The following TCF25 variants were observed in gnomAD, a reference collection of about 807,000 sequenced individuals.
TCF25 encodes the protein TCF25 ribosome quality control complex subunit.
TCF25 carries 41 observed loss-of-function variants against 83.1 expected under a neutral mutation model. The observed-to-expected ratio is 0.49, with a 90% CI of 0.38 to 0.64. TCF25 has a LOEUF of 0.64. Among genes scored for constraint, TCF25 ranks in the 30% least tolerant of loss-of-function variants. The probability of loss-of-function intolerance (pLI) is 0.00; values close to 1 mark genes in which losing one functional copy is unlikely to be tolerated. For synonymous variants in TCF25, 458 were observed against 365.0 expected (o/e 1.25, Z -2.90); for missense variants, 979 against 914.5 (o/e 1.07, Z -0.91).
rs1288908016 is a variant in TCF25 at position 89,904,122 on chromosome 16, C to G, written c.1386C>G (p.Leu462=). Residue 462 remains leucine, a synonymous_variant, in exon 13 of 18, where the codon CTC becomes CTG. Coordinates refer to ENST00000263346, the MANE Select transcript of TCF25 (RefSeq NM_014972.3). ...GAGCCTCCGCTTCCCCTGCAGTCCT[C>G]CTGCCCCTGCTCGAGTCTTGCAGTG... The part of the protein sequence containing the change: ...QQALTMFPGV[L]LPLLESCSVR... The G allele has an allele frequency of 6.2e-7, 1 of 1,605,998 alleles. No homozygotes were observed. The highest frequency in any genetic ancestry group is 1.1e-5 in the South Asian group (1 of 89,374).
At chr16:89,906,503 G>T (rs140208748) in intron 15 of TCF25, among the ~76,000 whole-genome samples, 128 of 152,250 alleles carry the variant, frequency 8.4e-4, no homozygotes, top group Middle Eastern at 3.4e-3. Context: ...TTGGGGCTCA[G>T]AGCACAAGCT....
intron 16 of TCF25, chr16:89,909,175 A>G (rs1313709713): frequency 7.9e-7 from 1 of 1,268,954 alleles, no homozygotes; most frequent in Non-Finnish European, 1.0e-6. Context: ...TCAAAACTGC[A>G]CCAGCCTGGC....
At chr16:89,874,434 G>C (rs2042011264) in intron 1 of TCF25, 1 of 153,678 alleles carries the variant, frequency 6.5e-6, no homozygotes, top group African/African-American at 2.4e-5. Flanking sequence ...GAGTCTAGAG[G>C]GGCCTTCTCT....
chr16:89,892,392 G>A (rs941153967), intron 6 of TCF25, 117 bp downstream of exon 6: 24 of 1,094,170 alleles, frequency 2.2e-5, no homozygotes, highest in African/African-American at 3.2e-5. Context: ...GGAGGGCGGC[G>A]GGGGGGTGTG....
chr16:89,900,053 C>T (rs994069897), intron 11 of TCF25, among the ~76,000 whole-genome samples: 5 of 152,150 alleles, frequency 3.3e-5, no homozygotes, highest in African/African-American at 1.2e-4. Flanking sequence ...CTCAGGGAGT[C>T]CCCCAAAATG....
intron 12 of TCF25, among the ~76,000 whole-genome samples, chr16:89,902,936 G>C (rs141848170): frequency 8.3e-4 from 127 of 152,364 alleles, no homozygotes; most frequent in Middle Eastern, 3.4e-3. Context: ...CACGGCGTGG[G>C]GTTGGGCAGC....
rs868721557 is a variant in TCF25 at position 89,884,661 on chromosome 16, G to A, written c.429+5G>A. The A allele has an allele frequency of 1.8e-5, 29 of 1,610,918 alleles. No individual in the cohort carries two copies. The highest frequency in any genetic ancestry group is 2.3e-5 in the Non-Finnish European group (27 of 1,178,298). Reference sequence around the variant, plus strand: ...AGCAGCACGGGAGAAGCATCGGTACGTGAGTTGGGCCTGGCTGTGCTCTGT... The same window carrying A: ...AGCAGCACGGGAGAAGCATCGGTACATGAGTTGGGCCTGGCTGTGCTCTGT... On this transcript the variant is annotated splice_donor_5th_base_variant and intron_variant, in intron 3 of 17. Transcript: ENST00000263346.
intron 6 of TCF25, among the ~76,000 whole-genome samples, chr16:89,893,246 C>T (rs1371109949): frequency 6.6e-6 from 1 of 152,198 alleles, no homozygotes; most frequent in African/African-American, 2.4e-5. Flanking sequence ...ACAAGAGGAG[C>T]CAAGTGAGAG....
At chr16:89,875,807 C>G (rs1239218622) in intron 1 of TCF25, among the ~76,000 whole-genome samples, 1 of 147,078 alleles carries the variant, frequency 6.8e-6, no homozygotes, top group South Asian at 2.1e-4. Flanking sequence ...CAGGCGTGAG[C>G]CACTGCGCCT....
At chr16:89,898,939 T>A in intron 11 of TCF25, 67 bp downstream of exon 11, 3 of 1,491,918 alleles carry the variant, frequency 2.0e-6, no homozygotes, top group Non-Finnish European at 2.8e-6. Flanking sequence ...TTTTCTTGGT[T>A]CAGTATCTGT....
chr16:89,903,392 C>T lies in TCF25; in HGVS notation c.1382-726C>T, dbSNP rs139307424. ...TTTGTGATTAAAACATCCAACCGGC[C>T]GGGCACGGTGGCTCACGCCTGTAAT... On this transcript the variant is annotated intron_variant, in intron 12 of 17. Coordinates refer to ENST00000263346, the MANE Select transcript of TCF25 (RefSeq NM_014972.3). 1.6e-3 allele frequency among the ~76,000 whole-genome samples: 251 copies of T among 152,370 alleles called. 1 individual carries two copies. Among genetic ancestry groups the T allele is most frequent in the African/African-American group, 5.3e-3 (219 of 41,588 alleles).
At chr16:89,892,626 G>A (rs1597326242) in intron 6 of TCF25, among the ~76,000 whole-genome samples, 1 of 152,186 alleles carries the variant, frequency 6.6e-6, no homozygotes, top group East Asian at 1.9e-4. Context: ...TTCTGCCATC[G>A]ACCTTTCCCT....
At chr16:89,887,588 A>G in intron 4 of TCF25, 64 bp from the exon 5 acceptor site, 2 of 1,462,914 alleles carry the variant, frequency 1.4e-6, no homozygotes, top group Non-Finnish European at 1.8e-6. Context: ...TGGCTTTCTG[A>G]AGCTTTTGGA....
chr16:89,874,058 G>A (rs1363574467), intron 1 of TCF25, among the ~76,000 whole-genome samples, 199 bp downstream of exon 1: 1 of 151,372 alleles, frequency 6.6e-6, no homozygotes, highest in Non-Finnish European at 1.5e-5. Flanking sequence ...GGGTGAAGAC[G>A]GCGGGCCGCG....
chr16:89,910,619 A>G lies in TCF25; in HGVS notation c.1828A>G (p.Ile610Val). 6.2e-7 allele frequency: 1 copy of G among 1,613,688 alleles called. No homozygotes were observed. ...AAGTCCTATCAGCCATGGAAACACC[A>G]TTGCTCTCTTCTTCCGGTCACTGTT... Reference protein sequence around the residue: ...RLSPISHGNTIALFFRSLLPN... With the variant: ...RLSPISHGNTVALFFRSLLPN... The change falls in exon 17 of 18, where the codon ATT (isoleucine) becomes GTT (valine). Residue 610 changes from isoleucine (I) to valine (V), a missense_variant. By Grantham distance (29) the Ile-to-Val change is conservative. Transcript: ENST00000263346.
chr16:89,896,466 G>C (rs1039982363), intron 9 of TCF25, among the ~76,000 whole-genome samples: 3 of 152,046 alleles, frequency 2.0e-5, no homozygotes, highest in Non-Finnish European at 4.4e-5. Context: ...CCAGCACTTT[G>C]GGAGGCCGAG....
In TCF25 at chr16:89,904,201, A is replaced by T. The variant is rs1360504437; in HGVS notation, c.1465A>T (p.Ile489Leu). The change falls in exon 13 of 18, where the codon ATA (isoleucine) becomes TTA (leucine). Residue 489 changes from isoleucine to leucine, a missense_variant. Ile to Leu is a conservative substitution (Grantham distance 5). Coordinates refer to ENST00000263346, the MANE Select transcript of TCF25 (RefSeq NM_014972.3). Reference sequence around the variant, plus strand: ...CCGCTTCTTTGGACCCAATGCTGAAATAAGGTAAAGAGTGGCTGGTGGTGC... The same window carrying T: ...CCGCTTCTTTGGACCCAATGCTGAATTAAGGTAAAGAGTGGCTGGTGGTGC... ...SHRFFGPNAE[I>L]SQPPALSQLV... 6.4e-7 allele frequency: 1 copy of T among 1,571,172 alleles called. No homozygotes were observed. Among genetic ancestry groups the T allele is most frequent in the Non-Finnish European group, 8.6e-7 (1 of 1,157,530 alleles).
intron 13 of TCF25, 65 bp downstream of exon 13, chr16:89,904,270 C>A: frequency 6.6e-7 from 1 of 1,525,496 alleles, no homozygotes; most frequent in Non-Finnish European, 8.9e-7. Flanking sequence ...GAGCCATTTT[C>A]ACTCATCCTG....
At chr16:89,907,669 C>G (rs1312837185) in intron 16 of TCF25, among the ~76,000 whole-genome samples, 9 of 83,028 alleles carry the variant, frequency 1.1e-4, no homozygotes, top group African/African-American at 2.0e-4. Context: ...CCAGCTCCCT[C>G]CTCCCACCTC....
Sources: gnomAD v4.1 joint callset for allele counts (sites outside exome capture counted in the v4.1 genomes callset) on GRCh38, gnomAD v4.1.1 for gene constraint, MANE v1.5 for transcripts, NCBI Gene and HGNC (gene_info 2026-07-23, HGNC 2026-07-21) for gene names.